PTPRM: variants seen among roughly 807,000 people sequenced by gnomAD.
PTPRM encodes protein tyrosine phosphatase receptor type M.
Under a neutral mutation model 186.7 loss-of-function variants are expected in PTPRM, and 47 were observed. The observed-to-expected ratio is 0.25, with a 90% CI of 0.20 to 0.32. The LOEUF (loss-of-function observed/expected upper bound fraction) is 0.32. Ranked by LOEUF, PTPRM falls within the 10% of genes least tolerant of loss-of-function variation. The pLI is 1.00. For synonymous variants in PTPRM, 668 were observed against 674.9 expected (o/e 0.99, Z 0.16); for missense variants, 1,494 against 1,865.0 (o/e 0.80, Z 3.66).
At chr18:7,689,719 A>G (rs1421150364) in intron 1 of PTPRM, among the ~76,000 whole-genome samples, 1 of 152,212 alleles carries the variant, frequency 6.6e-6, no homozygotes, top group African/African-American at 2.4e-5. Context: ...TGCTCCATTA[A>G]TGGACTTTCC....
At chr18:8,218,075 A>C (rs2147039933) in intron 14 of PTPRM, among the ~76,000 whole-genome samples, 1 of 152,340 alleles carries the variant, frequency 6.6e-6, no homozygotes, top group African/African-American at 2.4e-5. Context: ...AACTGACAGC[A>C]GAAATTAGAT....
intron 14 of PTPRM, among the ~76,000 whole-genome samples, chr18:8,168,078 T>C (rs1344880866): frequency 6.6e-6 from 1 of 152,230 alleles, no homozygotes; most frequent in South Asian, 2.1e-4. Flanking sequence ...CCCTGGACAA[T>C]GCTGAGTATG....
chr18:8,404,586 A>G (rs999981367), intron 32 of PTPRM: 1 of 152,194 alleles, frequency 6.6e-6, no homozygotes, highest in African/African-American at 2.4e-5. Context: ...AAGAAAAGGA[A>G]ATTTCAGTGA....
chr18:8,190,906 G>A (rs2093701552), intron 14 of PTPRM, among the ~76,000 whole-genome samples: 1 of 152,168 alleles, frequency 6.6e-6, no homozygotes. Flanking sequence ...GTGTTGGGGA[G>A]GAGTGAATGT....
At chr18:7,788,306 G>A (rs892887372) in intron 2 of PTPRM, among the ~76,000 whole-genome samples, 2 of 152,072 alleles carry the variant, frequency 1.3e-5, no homozygotes, top group African/African-American at 4.8e-5. Flanking sequence ...ATGAAATAAT[G>A]CACATAAAAT....
chr18:7,807,268 C>G (rs1365973961), intron 2 of PTPRM, among the ~76,000 whole-genome samples: 3 of 152,200 alleles, frequency 2.0e-5, no homozygotes, highest in African/African-American at 4.8e-5. Flanking sequence ...CCAGGAAAGA[C>G]TCTTCTTACA....
intron 1 of PTPRM, among the ~76,000 whole-genome samples, chr18:7,662,752 G>GTA (rs1389714794): frequency 9.2e-5 from 14 of 152,132 alleles, no homozygotes; most frequent in African/African-American, 3.4e-4. Context: ...TTCACGTGAT[G>GTA]TATACCCCGT....
intron 3 of PTPRM, 102 bp from the exon 4 acceptor site, chr18:7,906,403 T>G: frequency 1.2e-6 from 1 of 830,928 alleles, no homozygotes; most frequent in Non-Finnish European, 2.0e-6. Flanking sequence ...AATGAATGAA[T>G]TGGTGAAAGA....
intron 1 of PTPRM, among the ~76,000 whole-genome samples, chr18:7,720,573 C>T (rs934566089): frequency 2.0e-4 from 31 of 152,058 alleles, no homozygotes; most frequent in Non-Finnish European, 8.8e-5. Context: ...GTTGTGCAAC[C>T]ATTCTCCAGA....
chr18:8,346,911 C>T (rs1364161725), intron 23 of PTPRM, among the ~76,000 whole-genome samples: 5 of 152,160 alleles, frequency 3.3e-5, no homozygotes, highest in African/African-American at 1.2e-4. Context: ...GAGCAAATGC[C>T]CAGCAAGGTG....
chr18:8,325,866 C>G (rs1486071344), intron 22 of PTPRM, among the ~76,000 whole-genome samples: 1 of 152,108 alleles, frequency 6.6e-6, no homozygotes, highest in African/African-American at 2.4e-5. Flanking sequence ...TTAATAATAG[C>G]CATTCTAATT....
At chr18:8,353,937 C>T (rs1021283237) in intron 23 of PTPRM, among the ~76,000 whole-genome samples, 9 of 152,098 alleles carry the variant, frequency 5.9e-5, no homozygotes, top group African/African-American at 1.4e-4. Context: ...TGCGGCTGGG[C>T]GCAGTGGCTC....
intron 2 of PTPRM, among the ~76,000 whole-genome samples, chr18:7,812,893 C>G (rs1476679272): frequency 6.6e-6 from 1 of 152,142 alleles, no homozygotes; most frequent in Non-Finnish European, 1.5e-5. Flanking sequence ...CGCAGAGGTG[C>G]TGGGTGGATC....
intron 13 of PTPRM, among the ~76,000 whole-genome samples, chr18:8,126,027 A>ATTTTT (rs752110255): frequency 0.044 from 3,064 of 68,998 alleles, 325 homozygotes; most frequent in Admixed American, 0.075. Context: ...ATATATATAT[A>ATTTTT]TTTTAAATCA....
At chr18:8,026,946 A>G (rs1407495190) in intron 7 of PTPRM, among the ~76,000 whole-genome samples, 6 of 152,202 alleles carry the variant, frequency 3.9e-5, no homozygotes, top group African/African-American at 1.4e-4. Context: ...TAAGGCATTG[A>G]TTTCTGGAGC....
chr18:8,114,884 A>G (rs2091896800), intron 13 of PTPRM, 57 bp downstream of exon 13: 2 of 1,487,114 alleles, frequency 1.3e-6, no homozygotes, highest in Admixed American at 4.0e-5. Context: ...GTTTATTTTA[A>G]CCTATGTTTC....
rs1234539167 is a variant in PTPRM, at chr18:8,362,690, G to A, written c.3055-8200G>A. On this transcript the variant is annotated intron_variant, in intron 23 of 32. Transcript: ENST00000580170. The stretch of plus-strand genomic sequence containing the variant: ...AAGGTAGTTTCCCTTATGAAGCTTT[G>A]CATACCTTTCTTTGGAATTAGCATA... 2.6e-5 allele frequency among the ~76,000 whole-genome samples: 4 copies of A among 152,156 alleles called. No individual in the cohort carries two copies. The East Asian group carries it at 7.7e-4, about 29-fold the overall frequency.
intron 14 of PTPRM, among the ~76,000 whole-genome samples, chr18:8,177,713 A>G (rs138011514): frequency 1.1e-3 from 160 of 152,358 alleles, no homozygotes; most frequent in African/African-American, 3.8e-3. Flanking sequence ...AAGTTTATTG[A>G]AAAGCTTTGG....
rs763714235 is a variant in PTPRM, at chr18:8,088,782, C to A, written c.1787C>A (p.Pro596His). The A allele has an allele frequency of 1.4e-5, 23 of 1,613,042 alleles. No individual in the cohort carries two copies. The highest frequency in any genetic ancestry group is 3.4e-6 in the Non-Finnish European group (4 of 1,179,362). Residue 596 changes from proline to histidine, a missense_variant, in exon 11 of 33, where the codon CCT (proline) becomes CAT (histidine). Physicochemically the swap from Pro to His is moderately conservative, Grantham distance 77. Around this residue, in one of 3 missense-constraint regions of PTPRM, gnomAD observed 1,107 missense variants for 1,350.2 expected, o/e 0.82. Transcript: ENST00000580170. ...PSMPAYELET[P>H]LNQTDNTVTV... ...ATGCCAGCTTATGAACTTGAGACAC[C>A]TTTGAATCAAACTGACAATACCGTG...
Sources: gnomAD v4.1 joint callset for allele counts (sites outside exome capture counted in the v4.1 genomes callset) on GRCh38, gnomAD v4.1.1 for gene constraint, gnomAD v4.1.1 regional missense constraint, MANE v1.5 for transcripts, NCBI Gene and HGNC (gene_info 2026-07-23, HGNC 2026-07-21) for gene names.